SOX6: variants seen among roughly 807,000 people sequenced by gnomAD.
SOX6 encodes transcription factor SOX-6.
Under a neutral mutation model 97.8 loss-of-function variants are expected in SOX6, and 11 were observed. The ratio of observed to expected loss-of-function variants is 0.11; its 90% CI spans 0.07 to 0.19. The LOEUF is 0.19. Ranked by LOEUF, SOX6 falls within the 10% of genes least tolerant of loss-of-function variation. The pLI is 1.00. For missense variants in SOX6, 810 were observed against 1,039.5 expected, an observed-to-expected ratio of 0.78 and a Z score of 3.04; for synonymous variants, 360 against 371.4, an observed-to-expected ratio of 0.97 and a Z score of 0.35.
At chr11:16,409,112 T>C (rs1858743137) in intron 1 of SOX6, among the ~76,000 whole-genome samples, 1 of 152,118 alleles carries the variant, frequency 6.6e-6, no homozygotes, top group South Asian at 2.1e-4. Context: ...ACCAATGCCA[T>C]CAACCTGCTA....
intron 3 of SOX6, among the ~76,000 whole-genome samples, chr11:16,686,052 C>T (rs1042739546): frequency 3.9e-5 from 6 of 152,232 alleles, no homozygotes; most frequent in Admixed American, 6.5e-5. Context: ...TGTCTCAAGG[C>T]TGCACAGGGC....
At chr11:16,481,069 T>C (rs1184760352), upstream of SOX6, among the ~76,000 whole-genome samples, 1 of 152,166 alleles carries the variant, frequency 6.6e-6, no homozygotes, top group Non-Finnish European at 1.5e-5. Context: ...GATGTGATTG[T>C]TGCATTAAAA....
At chr11:16,457,210 T>C (rs1859826500) in intron 1 of SOX6, among the ~76,000 whole-genome samples, 1 of 152,090 alleles carries the variant, frequency 6.6e-6, no homozygotes. Flanking sequence ...TCCTAATATG[T>C]TTAAACACAA....
chr11:16,548,389 T>TA (rs1327027019), intron 4 of SOX6, among the ~76,000 whole-genome samples: 2 of 152,140 alleles, frequency 1.3e-5, no homozygotes, highest in Non-Finnish European at 2.9e-5. Context: ...TCTCAATTTT[T>TA]AATATCTTCA....
Position 16,112,333 on chromosome 11 carries a change from C to T in SOX6, c.778-410G>A, listed in dbSNP as rs570191448. The stretch of plus-strand genomic sequence containing the variant: ...TTCTTTCAAAAACAGTATTTAGTAT[C>T]CATGGTCAGAAAATAATGTCTAATT... On this transcript the variant is annotated intron_variant, in intron 6 of 15. Transcript: ENST00000683767. Among the ~76,000 whole-genome samples the T allele has an allele frequency of 9.2e-5, 14 of 152,200 alleles. No homozygotes were observed. In the East Asian group the frequency reaches 1.2e-3, roughly 13 times the overall value.
At chr11:16,322,998 A>C (rs986785464) in intron 2 of SOX6, among the ~76,000 whole-genome samples, 1 of 152,198 alleles carries the variant, frequency 6.6e-6, no homozygotes, top group Non-Finnish European at 1.5e-5. Context: ...ACATGTGGGC[A>C]CTGAGTTAGT....
intron 1 of SOX6, among the ~76,000 whole-genome samples, chr11:16,421,159 T>G (rs1454621333): frequency 1.3e-5 from 2 of 152,170 alleles, no homozygotes; most frequent in Non-Finnish European, 2.9e-5. Flanking sequence ...TGAAGACAAT[T>G]GTACATATTT....
intron 1 of SOX6, among the ~76,000 whole-genome samples, chr11:16,446,517 A>G (rs151239195): frequency 2.0e-5 from 3 of 152,218 alleles, no homozygotes; most frequent in Admixed American, 2.0e-4. Context: ...ATAGCCCCAC[A>G]CCTTGGTTAG....
rs139065901 is a variant in SOX6 at position 16,730,508 on chromosome 11, C to T, written n.353+5831G>A. On this transcript the variant is annotated intron_variant and non_coding_transcript_variant, in intron 2 of 5. Coordinates refer to the SOX6 transcript ENST00000524520. Reference sequence around the variant, plus strand: ...TCCTGAATGACTACTGGGTAAATAACGAAATTAAGGGAAAAATAAATAAGT... The same window carrying T: ...TCCTGAATGACTACTGGGTAAATAATGAAATTAAGGGAAAAATAAATAAGT... Among the ~76,000 whole-genome samples the T allele has an allele frequency of 3.9e-3, 598 of 152,060 alleles. 4 individuals are homozygous for T. The highest frequency in any genetic ancestry group is 0.014 in the African/African-American group (577 of 41,478).
chr11:16,491,051 A>G (rs1860503820), intron 4 of SOX6, among the ~76,000 whole-genome samples: 1 of 152,188 alleles, frequency 6.6e-6, no homozygotes, highest in South Asian at 2.1e-4. Flanking sequence ...ATTAGACAAG[A>G]AAAATACATG....
intron 3 of SOX6, among the ~76,000 whole-genome samples, chr11:16,267,088 T>C (rs1659738816): frequency 6.6e-6 from 1 of 151,494 alleles, no homozygotes; most frequent in African/African-American, 2.4e-5. Flanking sequence ...ATAAAACTCC[T>C]AGAAGAAAAC....
chr11:16,239,759 T>C (rs1265010827), intron 3 of SOX6, among the ~76,000 whole-genome samples: 1 of 152,036 alleles, frequency 6.6e-6, no homozygotes, highest in Non-Finnish European at 1.5e-5. Flanking sequence ...CATTAAGGAA[T>C]GCACCAACTG....
intron 9 of SOX6, among the ~76,000 whole-genome samples, chr11:16,093,883 T>C (rs1364815359): frequency 6.6e-6 from 1 of 151,964 alleles, no homozygotes; most frequent in Non-Finnish European, 1.5e-5. Context: ...TATGGGTGTC[T>C]ACTATGCTAT....
chr11:16,524,680 G>A (rs1031974859), intron 4 of SOX6, among the ~76,000 whole-genome samples: 6 of 152,034 alleles, frequency 3.9e-5, no homozygotes, highest in Non-Finnish European at 2.9e-5. Flanking sequence ...TAGGAAAAGA[G>A]GAAGTCAAAT....
intron 3 of SOX6, among the ~76,000 whole-genome samples, chr11:16,288,736 C>A (rs1854823840): frequency 6.6e-6 from 1 of 151,796 alleles, no homozygotes; most frequent in East Asian, 1.9e-4. Context: ...TTTGATTTCT[C>A]AGTACTATAT....
chr11:16,655,049 G>A (rs900494766), intron 3 of SOX6, among the ~76,000 whole-genome samples: 5 of 152,144 alleles, frequency 3.3e-5, no homozygotes, highest in African/African-American at 9.7e-5. Flanking sequence ...AGAGGTGGTC[G>A]GAGAAGGAAA....
chr11:16,675,345 C>A (rs1469235178), intron 3 of SOX6, among the ~76,000 whole-genome samples: 1 of 152,034 alleles, frequency 6.6e-6, no homozygotes, highest in Admixed American at 6.6e-5. Context: ...GGGATGGGAT[C>A]TCATTATGTT....
At chr11:16,365,821 T>C (rs1269578267) in intron 1 of SOX6, among the ~76,000 whole-genome samples, 1 of 152,202 alleles carries the variant, frequency 6.6e-6, no homozygotes, top group Non-Finnish European at 1.5e-5. Context: ...TTTTGTTCTT[T>C]GGTTTCACTA....
intron 3 of SOX6, among the ~76,000 whole-genome samples, chr11:16,647,051 A>AT (rs1277930698): frequency 6.6e-6 from 1 of 151,964 alleles, no homozygotes; most frequent in African/African-American, 2.4e-5. Context: ...AACATTTATT[A>AT]TTTTTTTATT....
Sources: gnomAD v4.1 joint callset for allele counts (sites outside exome capture counted in the v4.1 genomes callset) on GRCh38, gnomAD v4.1.1 for gene constraint, MANE v1.5 for transcripts, NCBI Gene and HGNC (gene_info 2026-07-23, HGNC 2026-07-21) for gene names.